The following PAX5 variants were observed in gnomAD, a reference collection of about 807,000 sequenced individuals.
PAX5 encodes the protein paired box protein Pax-5.
PAX5 carries 9 observed loss-of-function variants against 43.7 expected under a neutral mutation model. The observed-to-expected ratio is 0.21, with a 90% CI of 0.12 to 0.36. The LOEUF (loss-of-function observed/expected upper bound fraction) is 0.36. PAX5 is among the 10% of genes least tolerant of loss of function. The pLI, the probability that PAX5 is intolerant of heterozygous loss-of-function variation, is 1.00. For missense variants in PAX5, 383 were observed against 532.7 expected (o/e 0.72, Z 2.77); for synonymous variants, 228 against 214.3 (o/e 1.06, Z -0.56).
At chr9:36,873,631 G>C (rs1413320755) in intron 8 of PAX5, among the ~76,000 whole-genome samples, 1 of 152,192 alleles carries the variant, frequency 6.6e-6, no homozygotes, top group African/African-American at 2.4e-5. Flanking sequence ...TAAGAACAAA[G>C]GCTGTTCTTT....
intron 7 of PAX5, among the ~76,000 whole-genome samples, chr9:36,919,415 T>G (rs1286498481): frequency 6.6e-6 from 1 of 152,250 alleles, no homozygotes; most frequent in Admixed American, 6.5e-5. Flanking sequence ...GAATTTCAAC[T>G]TTCACGTTGT....
At chr9:36,990,378 G>A (rs1349069962) in intron 5 of PAX5, among the ~76,000 whole-genome samples, 1 of 152,188 alleles carries the variant, frequency 6.6e-6, no homozygotes, top group Non-Finnish European at 1.5e-5. Flanking sequence ...GGAACGGAAA[G>A]AGGTTTGGTA....
At chr9:36,850,834 CA>C (rs1823089596) in intron 8 of PAX5, among the ~76,000 whole-genome samples, 1 of 152,202 alleles carries the variant, frequency 6.6e-6, no homozygotes, top group South Asian at 2.1e-4. Flanking sequence ...AACAACAAAA[CA>C]CGTGCCTCCA....
intron 7 of PAX5, among the ~76,000 whole-genome samples, chr9:36,897,843 G>T (rs1326440128): frequency 1.3e-5 from 2 of 152,214 alleles, no homozygotes; most frequent in Non-Finnish European, 2.9e-5. Flanking sequence ...ATCTAAGAAT[G>T]CCAGCATCTT....
chr9:36,975,601 G>A (rs1835359415), intron 5 of PAX5, among the ~76,000 whole-genome samples: 1 of 152,094 alleles, frequency 6.6e-6, no homozygotes, highest in Non-Finnish European at 1.5e-5. Context: ...TAGCCAGGAT[G>A]GTCTTGATCT....
At chr9:37,003,056 G>A (rs1369563823) in intron 4 of PAX5, among the ~76,000 whole-genome samples, 5 of 151,060 alleles carry the variant, frequency 3.3e-5, no homozygotes, top group African/African-American at 1.2e-4. Context: ...ACGGGGACAG[G>A]AAGGGCTTTC....
intron 7 of PAX5, among the ~76,000 whole-genome samples, chr9:36,916,707 C>G (rs1398585561): frequency 6.6e-6 from 1 of 151,792 alleles, no homozygotes; most frequent in African/African-American, 2.4e-5. Flanking sequence ...TTTTTTGAGA[C>G]AGAGTCTCAT....
intron 8 of PAX5, among the ~76,000 whole-genome samples, chr9:36,862,363 T>G (rs1191388116): frequency 3.3e-5 from 5 of 152,082 alleles, no homozygotes; most frequent in African/African-American, 1.2e-4. Context: ...CCCGCAGCAA[T>G]GAACTTCGCA....
rs1369143323 is a variant in PAX5, at chr9:37,015,899, A to G, written c.213-705T>C. On this transcript the variant is annotated intron_variant, in intron 2 of 9. Coordinates refer to ENST00000358127, the MANE Select transcript of PAX5 (RefSeq NM_016734.3). This position sits in a 1 kb window ranked among gnomAD's most constrained non-coding sequence, Gnocchi z 4.4. Reference sequence around the variant, plus strand: ...CCGGCCAGTCTCTCATTGTATTTCTATTGGACAGCACTGGCTAAGCATTAA... The same window carrying G: ...CCGGCCAGTCTCTCATTGTATTTCTGTTGGACAGCACTGGCTAAGCATTAA... Among the ~76,000 whole-genome samples the G allele has an allele frequency of 6.6e-6, 1 of 152,174 alleles. No homozygotes were observed. The highest frequency in any genetic ancestry group is 1.5e-5 in the Non-Finnish European group (1 of 68,028).
At chr9:36,935,369 A>C (rs537684520) in intron 6 of PAX5, among the ~76,000 whole-genome samples, 1 of 145,034 alleles carries the variant, frequency 6.9e-6, no homozygotes, top group South Asian at 2.3e-4. Context: ...AACAAGAGCG[A>C]AACTCCATCT....
intron 5 of PAX5, among the ~76,000 whole-genome samples, chr9:36,998,734 T>C (rs543921878): frequency 6.6e-6 from 1 of 152,376 alleles, no homozygotes; most frequent in South Asian, 2.1e-4. Context: ...TAGGACTACA[T>C]CTAACTTTAA....
At chr9:36,961,955 T>C (rs1834015958) in intron 6 of PAX5, among the ~76,000 whole-genome samples, 1 of 152,190 alleles carries the variant, frequency 6.6e-6, no homozygotes, top group Admixed American at 6.5e-5. Flanking sequence ...AAAGGAAGTG[T>C]TTCATTGCCC....
intron 5 of PAX5, among the ~76,000 whole-genome samples, chr9:36,980,072 C>T (rs1277741306): frequency 6.6e-6 from 1 of 152,224 alleles, no homozygotes; most frequent in East Asian, 1.9e-4. Flanking sequence ...TCATTCCCTA[C>T]TGTCAACATG....
intron 7 of PAX5, among the ~76,000 whole-genome samples, chr9:36,915,494 T>A (rs922883617): frequency 3.3e-5 from 5 of 152,136 alleles, no homozygotes; most frequent in Non-Finnish European, 7.4e-5. Flanking sequence ...TTTTTCCCAA[T>A]GAAAAGATGT....
intron 2 of PAX5, among the ~76,000 whole-genome samples, chr9:37,020,009 G>C (rs1839719033): frequency 6.6e-6 from 1 of 152,140 alleles, no homozygotes; most frequent in Admixed American, 6.5e-5. Flanking sequence ...GGTCCTATGG[G>C]AGAAGCCTCA....
At chr9:36,987,444 A>G (rs1296560814) in intron 5 of PAX5, among the ~76,000 whole-genome samples, 4 of 152,264 alleles carry the variant, frequency 2.6e-5, no homozygotes, top group African/African-American at 9.6e-5. Flanking sequence ...CTTATAAAGC[A>G]CTTTCTCATG....
chr9:36,990,745 C>T (rs1227104518), intron 5 of PAX5, among the ~76,000 whole-genome samples: 5 of 152,230 alleles, frequency 3.3e-5, no homozygotes, highest in Admixed American at 6.5e-5. Context: ...GGCCTTTTTC[C>T]GTGGTGACAT....
chr9:36,960,259 G>A (rs1833847268), intron 6 of PAX5, among the ~76,000 whole-genome samples: 1 of 152,194 alleles, frequency 6.6e-6, no homozygotes, highest in Non-Finnish European at 1.5e-5. Flanking sequence ...AGTAATAACT[G>A]TAGTACCTGT....
chr9:37,020,931 G>A lies in PAX5; in HGVS notation c.47-130C>T, dbSNP rs1001925293. Reference sequence around the variant, plus strand: ...CGGCAGGCTGGATGTCTCGCGCCTGGAGTCCAATCGTGCAAACTACACGAA... The same window carrying A: ...CGGCAGGCTGGATGTCTCGCGCCTGAAGTCCAATCGTGCAAACTACACGAA... On this transcript the variant is annotated intron_variant, in intron 1 of 9. Coordinates refer to ENST00000358127, the MANE Select transcript of PAX5 (RefSeq NM_016734.3). The A allele has an allele frequency of 5.7e-6, 5 of 871,850 alleles. No homozygotes were observed. The African/African-American group carries it at 6.8e-5, about 12-fold the overall frequency. The allele number at this position is 871,850 out of a possible 1,614,324, so 54.0% of individuals were successfully genotyped here.
Sources: allele counts gnomAD v4.1 joint callset (sites outside exome capture counted in the v4.1 genomes callset), GRCh38; gene constraint gnomAD v4.1.1; non-coding constraint Gnocchi (gnomAD v3.1); transcripts MANE v1.5; gene names NCBI Gene and HGNC (gene_info 2026-07-23, HGNC 2026-07-21).